Variants in CELF4 observed in about 807,000 individuals in gnomAD.
CELF4 encodes CUGBP Elav-like family member 4.
CELF4 carries 18 observed loss-of-function variants against 59.9 expected under a neutral mutation model. The ratio of observed to expected loss-of-function variants is 0.30; its 90% CI spans 0.21 to 0.45. The LOEUF (loss-of-function observed/expected upper bound fraction) is 0.45. Ranked by LOEUF, CELF4 falls within the 20% of genes least tolerant of loss-of-function variation. The pLI, the probability that CELF4 is intolerant of heterozygous loss-of-function variation, is 1.00. For synonymous variants in CELF4, 261 were observed against 267.1 expected (o/e 0.98, Z 0.22); for missense variants, 456 against 689.0 (o/e 0.66, Z 3.79).
chr18:37,415,215 C>A (rs915157088), intron 2 of CELF4, among the ~76,000 whole-genome samples: 5 of 152,296 alleles, frequency 3.3e-5, no homozygotes, highest in Non-Finnish European at 7.3e-5. Context: ...GGAGGGTGAA[C>A]AGGAGGGCAG....
chr18:37,518,308 A>C (rs2099953226), intron 1 of CELF4, among the ~76,000 whole-genome samples: 1 of 152,290 alleles, frequency 6.6e-6, no homozygotes, highest in Middle Eastern at 3.4e-3. Context: ...GAACTTTATA[A>C]ATTCCAATTA....
intron 3 of CELF4, among the ~76,000 whole-genome samples, chr18:37,287,098 C>A (rs1194262671): frequency 6.6e-6 from 1 of 152,156 alleles, no homozygotes; most frequent in African/African-American, 2.4e-5. Flanking sequence ...CACCTGGAGG[C>A]TTCGACAAGC....
intron 3 of CELF4, among the ~76,000 whole-genome samples, chr18:37,287,993 G>A (rs969936953): frequency 4.6e-5 from 7 of 152,168 alleles, no homozygotes; most frequent in African/African-American, 1.7e-4. Context: ...CAGAAAATCA[G>A]TCACAACCAC....
At chr18:37,325,636 C>T (rs1207789882) in intron 2 of CELF4, among the ~76,000 whole-genome samples, 2 of 152,236 alleles carry the variant, frequency 1.3e-5, no homozygotes, top group African/African-American at 4.8e-5. Context: ...TCACCCCTCA[C>T]ACACAGGCCC....
At chr18:37,482,927 C>T (rs1359167378) in intron 2 of CELF4, among the ~76,000 whole-genome samples, 1 of 152,140 alleles carries the variant, frequency 6.6e-6, no homozygotes, top group Admixed American at 6.5e-5. Flanking sequence ...TGGAAAAGTG[C>T]CTAAATTGCT....
chr18:37,552,794 G>A (rs1489966618), intron 1 of CELF4, among the ~76,000 whole-genome samples: 1 of 152,196 alleles, frequency 6.6e-6, no homozygotes, highest in Non-Finnish European at 1.5e-5. Flanking sequence ...GGCCCTTCCT[G>A]CCTGGCTTCC....
chr18:37,261,201 A>G (rs1402326899), intron 10 of CELF4, among the ~76,000 whole-genome samples: 1 of 151,846 alleles, frequency 6.6e-6, no homozygotes, highest in African/African-American at 2.4e-5. Flanking sequence ...TCCCAGGGGC[A>G]TGCTCCTTCT....
chr18:37,525,314 C>G (rs71365665), intron 1 of CELF4, among the ~76,000 whole-genome samples: 48,437 of 152,048 alleles, frequency 0.32, 9,125 homozygotes, highest in East Asian at 0.46. Flanking sequence ...GGAATCCTTT[C>G]CATCTTTAAT....
chr18:37,330,214 C>T (rs572647187), intron 2 of CELF4, among the ~76,000 whole-genome samples: 24 of 152,162 alleles, frequency 1.6e-4, no homozygotes, highest in Admixed American at 1.1e-3. Context: ...TTGTAATTAA[C>T]AAATTAATTA....
chr18:37,484,628 C>G (rs2099877070), intron 2 of CELF4, among the ~76,000 whole-genome samples: 1 of 152,190 alleles, frequency 6.6e-6, no homozygotes, highest in Non-Finnish European at 1.5e-5. Flanking sequence ...TGCCCCCGCC[C>G]GGGGTTGCAT....
At chr18:37,516,381 C>G (rs2099950668) in intron 1 of CELF4, among the ~76,000 whole-genome samples, 1 of 152,158 alleles carries the variant, frequency 6.6e-6, no homozygotes, top group Admixed American at 6.5e-5. Flanking sequence ...AGGGGCCCTG[C>G]TAGCTCTAGT....
Position 37,504,268 on chromosome 18 carries a change from A to G in CELF4, c.287-18661T>C, listed in dbSNP as rs559285771. Among the ~76,000 whole-genome samples, 4 of 152,164 alleles carry G rather than the reference A, an allele frequency of 2.6e-5. No individual in the cohort carries two copies. The South Asian group carries it at 8.3e-4, about 32-fold the overall frequency. On this transcript the variant is annotated intron_variant, in intron 1 of 12. Transcript: ENST00000420428. ...CACCTTGGGAGGCCAAGGCAGGTGG[A>G]TCTTCTGAGGTCAGGAGTTCAAGAT...
rs763805644 is a variant in CELF4, at chr18:37,264,626, G to T, written c.1249+48C>A. ...AAGGCCCAGGTGAGCAGCCTCTTTG[G>T]GGACAACAGGGGGAGGGAGGGGCCC... On this transcript the variant is annotated intron_variant, in intron 10 of 12. Transcript: ENST00000420428. 4.0e-6 allele frequency: 6 copies of T among 1,491,500 alleles called. No homozygotes were observed. The East Asian group carries it at 1.5e-4, about 37-fold the overall frequency. The allele number at this position is 1,491,500 out of a possible 1,614,324, so 92.4% of individuals were successfully genotyped here.
chr18:37,309,969 A>G (rs569467001), intron 3 of CELF4, among the ~76,000 whole-genome samples: 324 of 151,332 alleles, frequency 2.1e-3, no homozygotes, highest in Non-Finnish European at 4.0e-3. Flanking sequence ...GGCAATTCAC[A>G]TGCTCAATAT....
chr18:37,283,163 C>T (rs1354382263), intron 3 of CELF4, among the ~76,000 whole-genome samples: 1 of 151,916 alleles, frequency 6.6e-6, no homozygotes, highest in Non-Finnish European at 1.5e-5. Context: ...CACTTGCACT[C>T]CTTCGCCAGC....
intron 1 of CELF4, among the ~76,000 whole-genome samples, chr18:37,493,303 C>T (rs1034754045): frequency 1.3e-5 from 2 of 152,246 alleles, no homozygotes; most frequent in African/African-American, 4.8e-5. Flanking sequence ...ACTACTTCAA[C>T]CCCAACCTCT....
chr18:37,312,931 G>A (rs774629459), intron 3 of CELF4, among the ~76,000 whole-genome samples: 1 of 152,232 alleles, frequency 6.6e-6, no homozygotes, highest in Admixed American at 6.5e-5. Context: ...TCTGGAACAA[G>A]GATATGTAGC....
At chr18:37,395,113 C>T (rs1438681201) in intron 2 of CELF4, among the ~76,000 whole-genome samples, 1 of 152,164 alleles carries the variant, frequency 6.6e-6, no homozygotes, top group Non-Finnish European at 1.5e-5. Context: ...TTTCTGTCTA[C>T]ATATCCCCTC....
chr18:37,307,266 G>A (rs771175596), intron 3 of CELF4, among the ~76,000 whole-genome samples: 3 of 152,178 alleles, frequency 2.0e-5, no homozygotes, highest in African/African-American at 4.8e-5. Flanking sequence ...TTCAAATGAA[G>A]GAGAAATCAC....
Sources: allele counts gnomAD v4.1 joint callset (sites outside exome capture counted in the v4.1 genomes callset), GRCh38; gene constraint gnomAD v4.1.1; transcripts MANE v1.5; gene names NCBI Gene and HGNC (gene_info 2026-07-23, HGNC 2026-07-21).